Variants in DPP10 observed in about 807,000 individuals in gnomAD.
DPP10 encodes the protein inactive dipeptidyl peptidase 10.
A neutral mutation model predicts 120.9 loss-of-function variants in DPP10; 33 were observed. That is an observed-to-expected ratio of 0.27 (90% CI 0.21 to 0.37). The LOEUF is 0.37. Among genes scored for constraint, DPP10 ranks in the 10% least tolerant of loss-of-function variants. DPP10 has a pLI of 1.00. For missense variants in DPP10, 816 were observed against 942.8 expected, an observed-to-expected ratio of 0.87 and a Z score of 1.76; for synonymous variants, 337 against 326.1, an observed-to-expected ratio of 1.03 and a Z score of -0.36.
chr2:115,200,530 C>A (rs960846515), intron 1 of DPP10, among the ~76,000 whole-genome samples: 12 of 152,216 alleles, frequency 7.9e-5, no homozygotes, highest in African/African-American at 2.9e-4. Flanking sequence ...GTGGAAATGA[C>A]TATTCATTAT....
At chr2:114,958,609 G>C (rs572497456) in intron 1 of DPP10, among the ~76,000 whole-genome samples, 25 of 152,206 alleles carry the variant, frequency 1.6e-4, no homozygotes, top group Non-Finnish European at 3.1e-4. Context: ...TATAATGTAA[G>C]CATATATTGA....
In DPP10 at chr2:115,521,360, C is replaced by G. The variant is rs146138898; in HGVS notation, c.367-4538C>G. The stretch of plus-strand genomic sequence containing the variant: ...GATAAAAGATGAGGCTTTCTGGCAT[C>G]TCTCTTAAACTCCAGGCTTTTTATC... On this transcript the variant is annotated intron_variant, in intron 4 of 25. Coordinates refer to ENST00000410059, the MANE Select transcript of DPP10 (RefSeq NM_020868.6). Among the ~76,000 whole-genome samples, 129 of 152,234 alleles carry G rather than the reference C, an allele frequency of 8.5e-4. 1 individual carries two copies. Among genetic ancestry groups the G allele is most frequent in the African/African-American group, 3.0e-3 (124 of 41,546 alleles).
chr2:114,752,397 T>A (rs976059313), intron 1 of DPP10, among the ~76,000 whole-genome samples: 3 of 151,968 alleles, frequency 2.0e-5, no homozygotes, highest in Non-Finnish European at 4.4e-5. Context: ...GAAGAAAAAA[T>A]GAAACAAAGC....
intron 1 of DPP10, among the ~76,000 whole-genome samples, chr2:115,228,873 C>CT (rs1324751897): frequency 5.9e-5 from 9 of 152,066 alleles, no homozygotes; most frequent in African/African-American, 2.2e-4. Context: ...CACTGATTTC[C>CT]TTTCTTTTGG....
In DPP10 at chr2:114,457,541, G is replaced by A. The variant is rs564274285; in HGVS notation, c.60+14703G>A. On this transcript the variant is annotated intron_variant, in intron 1 of 25. Coordinates refer to ENST00000410059, the MANE Select transcript of DPP10 (RefSeq NM_020868.6). ...TAGCAGTCTATTTTTGGGCCTTTCTGAAACTGAGGATGGTTGAGCCACCCA... is the reference window on the plus strand; with the variant it reads ...TAGCAGTCTATTTTTGGGCCTTTCTAAAACTGAGGATGGTTGAGCCACCCA... Among the ~76,000 whole-genome samples, 74 of 152,232 alleles carry A rather than the reference G, an allele frequency of 4.9e-4. 3 individuals are homozygous for A. In the South Asian group the frequency reaches 0.013, roughly 27 times the overall value.
chr2:114,566,794 T>C (rs1689236062), intron 1 of DPP10, among the ~76,000 whole-genome samples: 1 of 152,214 alleles, frequency 6.6e-6, no homozygotes, highest in Non-Finnish European at 1.5e-5. Context: ...CAACCAAACA[T>C]GTGTCCTTGG....
intron 1 of DPP10, among the ~76,000 whole-genome samples, chr2:114,938,484 T>C (rs1696648675): frequency 6.6e-6 from 1 of 152,164 alleles, no homozygotes; most frequent in East Asian, 1.9e-4. Context: ...ACTGAGTTAA[T>C]AGATGATCAA....
At chr2:115,470,883 A>T (rs1468343015) in intron 3 of DPP10, among the ~76,000 whole-genome samples, 1 of 152,136 alleles carries the variant, frequency 6.6e-6, no homozygotes, top group Non-Finnish European at 1.5e-5. Flanking sequence ...CACCTTTCTT[A>T]TTATTTTACT....
intron 1 of DPP10, among the ~76,000 whole-genome samples, chr2:114,909,440 G>A (rs1694203036): frequency 6.6e-6 from 1 of 151,970 alleles, no homozygotes; most frequent in Admixed American, 6.6e-5. Context: ...TGAATCTCCA[G>A]TAGCTTACAA....
intron 1 of DPP10, among the ~76,000 whole-genome samples, chr2:114,472,241 A>T (rs991511576): frequency 3.9e-5 from 6 of 152,230 alleles, no homozygotes; most frequent in Admixed American, 6.5e-5. Context: ...CATCCACTGA[A>T]GTTAGGTCCT....
intron 1 of DPP10, among the ~76,000 whole-genome samples, chr2:114,845,842 G>A (rs969180889): frequency 1.3e-5 from 2 of 152,134 alleles, no homozygotes; most frequent in African/African-American, 2.4e-5. Context: ...CAAATGTATA[G>A]TAGTTTAAGG....
intron 3 of DPP10, among the ~76,000 whole-genome samples, chr2:115,385,768 A>G (rs1378892674): frequency 6.6e-6 from 1 of 152,120 alleles, no homozygotes; most frequent in East Asian, 1.9e-4. Flanking sequence ...GTCACATAAA[A>G]CTTTGATTTG....
intron 3 of DPP10, chr2:115,468,227 C>A: frequency 2.0e-6 from 1 of 502,174 alleles, no homozygotes; most frequent in South Asian, 1.4e-5. Context: ...TCAGGAGAAG[C>A]TTCTGCTGAC....
intron 5 of DPP10, among the ~76,000 whole-genome samples, chr2:115,577,925 G>A (rs2081777573): frequency 6.6e-6 from 1 of 152,118 alleles, no homozygotes; most frequent in African/African-American, 2.4e-5. Flanking sequence ...TAGGACTTCA[G>A]CATACATAAT....
chr2:114,686,772 T>C (rs1699397097), intron 1 of DPP10, among the ~76,000 whole-genome samples: 1 of 151,978 alleles, frequency 6.6e-6, no homozygotes. Flanking sequence ...AAGAGCTTCT[T>C]TGTCCAATGT....
chr2:115,586,694 T>A (rs1467073879), intron 5 of DPP10, among the ~76,000 whole-genome samples: 1 of 152,194 alleles, frequency 6.6e-6, no homozygotes, highest in Non-Finnish European at 1.5e-5. Flanking sequence ...GTTTTTGTTT[T>A]TTTTCCATTT....
chr2:114,805,193 G>C (rs1422865013), intron 1 of DPP10, among the ~76,000 whole-genome samples: 1 of 152,168 alleles, frequency 6.6e-6, no homozygotes, highest in Non-Finnish European at 1.5e-5. Flanking sequence ...GGACCTGTAA[G>C]TCCAATTAAA....
chr2:115,300,302 G>A (rs1246077164), intron 1 of DPP10, among the ~76,000 whole-genome samples: 1 of 151,966 alleles, frequency 6.6e-6, no homozygotes, highest in East Asian at 1.9e-4. Context: ...GACGCACGTC[G>A]TTTAAGTGGA....
At chr2:114,583,167 T>C (rs1690679059) in intron 1 of DPP10, among the ~76,000 whole-genome samples, 1 of 152,250 alleles carries the variant, frequency 6.6e-6, no homozygotes, top group Non-Finnish European at 1.5e-5. Flanking sequence ...TACAATTAGC[T>C]ATCTAAGTAT....
Sources: gnomAD v4.1 joint callset for allele counts (sites outside exome capture counted in the v4.1 genomes callset) on GRCh38, gnomAD v4.1.1 for gene constraint, MANE v1.5 for transcripts, NCBI Gene and HGNC (gene_info 2026-07-23, HGNC 2026-07-21) for gene names.